The following SKAP1 variants were observed in gnomAD, a reference collection of about 807,000 sequenced individuals.
SKAP1 encodes src kinase-associated phosphoprotein 1.
A neutral mutation model predicts 58.5 loss-of-function variants in SKAP1; 44 were observed. The observed-to-expected ratio is 0.75, with a 90% CI of 0.59 to 0.97. The LOEUF (loss-of-function observed/expected upper bound fraction) is 0.97, where lower values mean the gene tolerates loss of function less well. Among genes scored for constraint, SKAP1 ranks in the 50% least tolerant of loss-of-function variants. The pLI is 0.00. For synonymous variants in SKAP1, 127 were observed against 149.7 expected (o/e 0.85, Z 1.11); for missense variants, 390 against 435.2 (o/e 0.90, Z 0.92).
intron 4 of SKAP1, among the ~76,000 whole-genome samples, chr17:48,212,948 A>C (rs1290690283): frequency 2.0e-5 from 3 of 152,178 alleles, no homozygotes; most frequent in African/African-American, 7.2e-5. Flanking sequence ...TTCCATGTCT[A>C]GTTGACTGCT....
chr17:48,140,871 A>G (rs1047650939), intron 11 of SKAP1, among the ~76,000 whole-genome samples: 6 of 149,918 alleles, frequency 4.0e-5, no homozygotes, highest in African/African-American at 1.5e-4. Context: ...ACCACGACCT[A>G]TACCTCCCAG....
chr17:48,180,458 A>G (rs1028415181), intron 8 of SKAP1, among the ~76,000 whole-genome samples: 2 of 152,248 alleles, frequency 1.3e-5, no homozygotes, highest in African/African-American at 2.4e-5. Context: ...GGTTTAAACC[A>G]TCAACATAAA....
intron 1 of SKAP1, among the ~76,000 whole-genome samples, chr17:48,423,002 G>C (rs1287247191): frequency 6.6e-6 from 1 of 152,172 alleles, no homozygotes; most frequent in African/African-American, 2.4e-5. Context: ...GAATAAAACA[G>C]ATGGAGCAGA....
chr17:48,239,330 G>A (rs1424882538), intron 4 of SKAP1, among the ~76,000 whole-genome samples: 1 of 152,194 alleles, frequency 6.6e-6, no homozygotes, highest in African/African-American at 2.4e-5. Flanking sequence ...AGGGGAAGGG[G>A]ATTGGGCAGT....
At chr17:48,434,254 A>G (rs1332268392), upstream of SKAP1, among the ~76,000 whole-genome samples, 1 of 152,214 alleles carries the variant, frequency 6.6e-6, no homozygotes, top group African/African-American at 2.4e-5. Flanking sequence ...GGAAGGAGAG[A>G]TGATGCATCC....
chr17:48,153,863 A>C (rs1355476605), intron 11 of SKAP1, among the ~76,000 whole-genome samples: 4 of 150,778 alleles, frequency 2.7e-5, no homozygotes, highest in Non-Finnish European at 4.4e-5. Flanking sequence ...AGATGTCACC[A>C]AACACCTCCT....
chr17:48,376,908 C>T (rs770426876), intron 2 of SKAP1, among the ~76,000 whole-genome samples: 7 of 152,010 alleles, frequency 4.6e-5, no homozygotes, highest in Admixed American at 4.6e-4. Context: ...AGGGAGGATT[C>T]GAGATCAGAG....
rs2067696718 is a variant in SKAP1, at chr17:48,413,650, A to G, written c.46+16425T>C. Among the ~76,000 whole-genome samples, 4 of 151,204 alleles carry G rather than the reference A, an allele frequency of 2.6e-5. No homozygotes were observed. In the Admixed American group the frequency reaches 2.7e-4, roughly 10 times the overall value. ...ACCACTGAACAGGGAAGAGATTTTA[A>G]AAGATCTCTCAATATATTACCTCCT... is the stretch of plus-strand genomic sequence containing the variant. On this transcript the variant is annotated intron_variant, in intron 1 of 12. Coordinates refer to ENST00000336915, the MANE Select transcript of SKAP1 (RefSeq NM_003726.4).
intron 4 of SKAP1, among the ~76,000 whole-genome samples, chr17:48,290,392 C>A (rs778265676): frequency 6.6e-6 from 1 of 152,190 alleles, no homozygotes; most frequent in Non-Finnish European, 1.5e-5. Flanking sequence ...AACTATTTAA[C>A]CCTGGCTGCT....
intron 2 of SKAP1, among the ~76,000 whole-genome samples, chr17:48,395,178 T>C (rs2067400473): frequency 6.6e-6 from 1 of 152,184 alleles, no homozygotes; most frequent in Admixed American, 6.5e-5. Flanking sequence ...GTATGTATTT[T>C]AAAAGAGGAT....
chr17:48,268,288 C>T (rs2065581815), intron 4 of SKAP1, among the ~76,000 whole-genome samples: 1 of 148,128 alleles, frequency 6.8e-6, no homozygotes. Flanking sequence ...AAAACCCACA[C>T]CTGTGTTACA....
At chr17:48,234,277 T>A (rs2143794741) in intron 4 of SKAP1, among the ~76,000 whole-genome samples, 1 of 152,366 alleles carries the variant, frequency 6.6e-6, no homozygotes, top group South Asian at 2.1e-4. Context: ...CTTAAAAATA[T>A]CCAGACTACT....
intron 1 of SKAP1, among the ~76,000 whole-genome samples, chr17:48,428,671 G>C (rs910780599): frequency 1.3e-5 from 2 of 152,168 alleles, no homozygotes; most frequent in African/African-American, 4.8e-5. Context: ...AAAAGAATCA[G>C]TTTATATATT....
chr17:48,235,532 C>T (rs974690322), intron 4 of SKAP1, among the ~76,000 whole-genome samples: 1 of 151,986 alleles, frequency 6.6e-6, no homozygotes. Context: ...TGAATGCAGA[C>T]ACAGTCATTT....
chr17:48,436,775 C>T, the SKAP1 span, among the ~76,000 whole-genome samples: 1 of 152,126 alleles, frequency 6.6e-6, no homozygotes, highest in African/African-American at 2.4e-5. Flanking sequence ...CTTAACCTTG[C>T]CTGCCTGTCT....
At chr17:48,306,598 A>T (rs539813030) in intron 4 of SKAP1, among the ~76,000 whole-genome samples, 9 of 152,146 alleles carry the variant, frequency 5.9e-5, no homozygotes, top group East Asian at 5.8e-4. Flanking sequence ...CACCTTTTTT[A>T]AAAAAAATCA....
intron 2 of SKAP1, among the ~76,000 whole-genome samples, chr17:48,367,075 T>C (rs2067013378): frequency 6.6e-6 from 1 of 152,130 alleles, no homozygotes; most frequent in South Asian, 2.1e-4. Flanking sequence ...CTAACACAGA[T>C]TTTCAGTCCT....
intron 4 of SKAP1, among the ~76,000 whole-genome samples, chr17:48,276,239 C>A (rs368922171): frequency 6.6e-6 from 1 of 152,170 alleles, no homozygotes; most frequent in Non-Finnish European, 1.5e-5. Flanking sequence ...TTTTCTGCTA[C>A]TTTCTCTTTC....
chr17:48,267,834 C>T (rs113767516), intron 4 of SKAP1, among the ~76,000 whole-genome samples: 2 of 152,036 alleles, frequency 1.3e-5, no homozygotes, highest in Non-Finnish European at 2.9e-5. Context: ...AAAATAGATA[C>T]CAACAGATAA....
Sources: gnomAD v4.1 joint callset for allele counts (sites outside exome capture counted in the v4.1 genomes callset) on GRCh38, gnomAD v4.1.1 for gene constraint, MANE v1.5 for transcripts, NCBI Gene and HGNC (gene_info 2026-07-23, HGNC 2026-07-21) for gene names.